The following MACROD2 variants were observed in gnomAD, a reference collection of about 807,000 sequenced individuals.
MACROD2 encodes the protein mono-ADP ribosylhydrolase 2.
MACROD2 carries 36 observed loss-of-function variants against 70.4 expected under a neutral mutation model. The ratio of observed to expected loss-of-function variants is 0.51; its 90% confidence interval spans 0.39 to 0.68. MACROD2 has a LOEUF of 0.68. MACROD2 is among the 30% of genes least tolerant of loss of function. The pLI is 0.00. For synonymous variants in MACROD2, 172 were observed against 178.8 expected, an observed-to-expected ratio of 0.96 and a Z score of 0.30; for missense variants, 496 against 538.4, an observed-to-expected ratio of 0.92 and a Z score of 0.78.
chr20:15,091,906 T>G (rs2123166820), intron 5 of MACROD2, among the ~76,000 whole-genome samples: 2 of 152,290 alleles, frequency 1.3e-5, no homozygotes, highest in Non-Finnish European at 2.9e-5. Context: ...CATTTTATCA[T>G]AAGTGTCAAT....
chr20:14,824,427 G>T (rs2072880254), intron 5 of MACROD2, among the ~76,000 whole-genome samples: 1 of 152,078 alleles, frequency 6.6e-6, no homozygotes, highest in Admixed American at 6.6e-5. Flanking sequence ...CTACAGTTTG[G>T]ACAAGATTCA....
At chr20:14,217,879 G>A (rs1338853508) in intron 3 of MACROD2, among the ~76,000 whole-genome samples, 2 of 151,970 alleles carry the variant, frequency 1.3e-5, no homozygotes, top group Non-Finnish European at 1.5e-5. Flanking sequence ...TCTTAGTGAG[G>A]TTATTTGGAT....
chr20:15,177,094 C>T (rs1276269412), intron 5 of MACROD2, among the ~76,000 whole-genome samples: 1 of 152,166 alleles, frequency 6.6e-6, no homozygotes, highest in African/African-American at 2.4e-5. Context: ...CTCACTTGCC[C>T]ACACACCTCT....
At chr20:14,417,741 A>G (rs2083826306) in intron 3 of MACROD2, among the ~76,000 whole-genome samples, 1 of 152,298 alleles carries the variant, frequency 6.6e-6, no homozygotes, top group South Asian at 2.1e-4. Flanking sequence ...GCTGACCTGC[A>G]TTTAAGTTGA....
chr20:14,237,253 A>G (rs1042056035), intron 3 of MACROD2, among the ~76,000 whole-genome samples: 1 of 151,990 alleles, frequency 6.6e-6, no homozygotes, highest in Non-Finnish European at 1.5e-5. Context: ...CTGTCGATTT[A>G]TGTGTGTATA....
chr20:15,500,356 C>T (rs1411222608), intron 8 of MACROD2, among the ~76,000 whole-genome samples: 2 of 152,134 alleles, frequency 1.3e-5, no homozygotes, highest in South Asian at 2.1e-4. Context: ...TCTTATGAAA[C>T]TAAATACCTT....
chr20:14,687,971 G>A (rs1347559707), intron 5 of MACROD2, among the ~76,000 whole-genome samples: 1 of 152,102 alleles, frequency 6.6e-6, no homozygotes, highest in Non-Finnish European at 1.5e-5. Context: ...GATAAACATT[G>A]TGTGTGTTCA....
chr20:14,918,753 T>A (rs1354438467), intron 5 of MACROD2, among the ~76,000 whole-genome samples: 5 of 152,096 alleles, frequency 3.3e-5, no homozygotes, highest in Non-Finnish European at 7.4e-5. Flanking sequence ...TCACTGAAGG[T>A]CATACTATTA....
intron 12 of MACROD2, among the ~76,000 whole-genome samples, chr20:15,964,966 C>T (rs920934357): frequency 5.3e-5 from 8 of 152,096 alleles, no homozygotes; most frequent in Non-Finnish European, 8.8e-5. Context: ...GGTGGTGGGT[C>T]GTGCTGATAT....
intron 5 of MACROD2, among the ~76,000 whole-genome samples, chr20:14,719,473 G>GAAA (rs11087105): frequency 4.9e-4 from 67 of 136,024 alleles, no homozygotes; most frequent in South Asian, 9.2e-4. Flanking sequence ...AAGATAGAAA[G>GAAA]AAAAAAAAAA....
chr20:15,166,223 T>C (rs1225038607), intron 5 of MACROD2, among the ~76,000 whole-genome samples: 1 of 152,162 alleles, frequency 6.6e-6, no homozygotes, highest in Non-Finnish European at 1.5e-5. Context: ...ACTGAATGTG[T>C]ACTTCCAAAA....
At chr20:14,103,365 C>G (rs1392518763) in intron 3 of MACROD2, among the ~76,000 whole-genome samples, 3 of 152,154 alleles carry the variant, frequency 2.0e-5, no homozygotes, top group Non-Finnish European at 2.9e-5. Context: ...AAACTGGCAG[C>G]CACTGCTTGG....
intron 6 of MACROD2, among the ~76,000 whole-genome samples, chr20:15,234,314 G>A (rs2076994339): frequency 6.6e-6 from 1 of 151,384 alleles, no homozygotes; most frequent in East Asian, 2.0e-4. Flanking sequence ...TTACAAGCGT[G>A]AGCCACCGCG....
chr20:14,445,735 A>G (rs944817051), intron 3 of MACROD2, among the ~76,000 whole-genome samples: 1 of 152,130 alleles, frequency 6.6e-6, no homozygotes, highest in African/African-American at 2.4e-5. Context: ...CATCGCAAGG[A>G]TAGTTCTAGG....
chr20:15,442,813 C>G (rs376164093), intron 7 of MACROD2, among the ~76,000 whole-genome samples: 3 of 152,046 alleles, frequency 2.0e-5, no homozygotes, highest in Non-Finnish European at 4.4e-5. Context: ...GTCAGCCACC[C>G]GTAATGGGTA....
intron 5 of MACROD2, among the ~76,000 whole-genome samples, chr20:14,770,994 C>T (rs1013179051): frequency 3.9e-5 from 6 of 152,024 alleles, no homozygotes; most frequent in Admixed American, 3.9e-4. Flanking sequence ...CTCTTGGTGG[C>T]TTTATGATGG....
chr20:14,750,088 T>C (rs2071850519), intron 5 of MACROD2, among the ~76,000 whole-genome samples: 1 of 152,158 alleles, frequency 6.6e-6, no homozygotes, highest in Non-Finnish European at 1.5e-5. Context: ...AATCACAATT[T>C]TCAAAAAGAA....
At chr20:15,404,133 T>C (rs569087090) in intron 6 of MACROD2, among the ~76,000 whole-genome samples, 152 of 152,356 alleles carry the variant, frequency 1.0e-3, no homozygotes, top group Non-Finnish European at 1.4e-3. Context: ...AGATGGGCTG[T>C]AGACAACTAA....
At chr20:14,150,680 GCTTT>G (rs1270750983) in intron 3 of MACROD2, among the ~76,000 whole-genome samples, 1 of 151,228 alleles carries the variant, frequency 6.6e-6, no homozygotes, top group Non-Finnish European at 1.5e-5. Flanking sequence ...TCTTCTTTCG[GCTTT>G]CTTTTAAAGA....
Sources: gnomAD v4.1 joint callset for allele counts (sites outside exome capture counted in the v4.1 genomes callset) on GRCh38, gnomAD v4.1.1 for gene constraint, MANE v1.5 for transcripts, NCBI Gene and HGNC (gene_info 2026-07-23, HGNC 2026-07-21) for gene names.